PTPRD: variants seen among roughly 807,000 people sequenced by gnomAD.
PTPRD encodes the protein receptor-type tyrosine-protein phosphatase delta.
Under a neutral mutation model 214.5 loss-of-function variants are expected in PTPRD, and 34 were observed. That is an observed-to-expected ratio of 0.16 (90% CI 0.12 to 0.21). The LOEUF (loss-of-function observed/expected upper bound fraction) is 0.21. Among genes scored for constraint, PTPRD ranks in the 10% least tolerant of loss-of-function variants. The pLI is 1.00. For synonymous variants in PTPRD, 1,128 were observed against 845.7 expected, an observed-to-expected ratio of 1.33 and a Z score of -5.79; for missense variants, 2,545 against 2,398.7, an observed-to-expected ratio of 1.06 and a Z score of -1.27.
At chr9:10,232,054 G>A (rs1403188230) in intron 3 of PTPRD, among the ~76,000 whole-genome samples, 5 of 148,306 alleles carry the variant, frequency 3.4e-5, no homozygotes, top group Admixed American at 6.8e-5. Flanking sequence ...GTTATAAAGC[G>A]AGGTTCCTCC....
intron 10 of PTPRD, among the ~76,000 whole-genome samples, chr9:9,132,432 T>G (rs993390003): frequency 2.0e-5 from 3 of 152,174 alleles, no homozygotes; most frequent in Non-Finnish European, 4.4e-5. Flanking sequence ...AATAATAATT[T>G]ATACAACATT....
At chr9:10,175,602 C>A (rs1047741618) in intron 3 of PTPRD, among the ~76,000 whole-genome samples, 3 of 151,966 alleles carry the variant, frequency 2.0e-5, no homozygotes. Context: ...ACATACAGAT[C>A]ATAGGTTCAT....
At chr9:10,049,435 G>C (rs141671031) in intron 3 of PTPRD, among the ~76,000 whole-genome samples, 2 of 119,246 alleles carry the variant, frequency 1.7e-5, no homozygotes, top group Non-Finnish European at 1.7e-5. Flanking sequence ...AAGAAAGAAA[G>C]AAAAGAAAAA....
chr9:8,584,647 G>T (rs1180617471), intron 14 of PTPRD, among the ~76,000 whole-genome samples: 2 of 152,104 alleles, frequency 1.3e-5, no homozygotes, highest in Non-Finnish European at 1.5e-5. Flanking sequence ...AGAGACTCTG[G>T]TTAAGAAATC....
intron 3 of PTPRD, among the ~76,000 whole-genome samples, chr9:10,254,765 A>C (rs999067890): frequency 1.3e-5 from 2 of 152,164 alleles, no homozygotes; most frequent in Non-Finnish European, 2.9e-5. Flanking sequence ...CAGGGGTCAC[A>C]AAGACTCAAA....
intron 30 of PTPRD, among the ~76,000 whole-genome samples, chr9:8,477,185 T>C (rs2135382171): frequency 6.6e-6 from 1 of 152,250 alleles, no homozygotes; most frequent in East Asian, 1.9e-4. Flanking sequence ...AAACTCAATA[T>C]TCTGCTTTGC....
intron 3 of PTPRD, among the ~76,000 whole-genome samples, chr9:10,233,903 A>T (rs2099620495): frequency 6.6e-6 from 1 of 151,934 alleles, no homozygotes; most frequent in Non-Finnish European, 1.5e-5. Flanking sequence ...TTTACCTTTA[A>T]TTGGAATCAC....
chr9:10,423,280 G>A (rs1427468003), intron 2 of PTPRD, among the ~76,000 whole-genome samples: 2 of 151,714 alleles, frequency 1.3e-5, no homozygotes, highest in Non-Finnish European at 2.9e-5. Flanking sequence ...ACAGGGTGGG[G>A]AACATCACAC....
chr9:9,975,293 G>C (rs2095312077), intron 4 of PTPRD, among the ~76,000 whole-genome samples: 1 of 152,136 alleles, frequency 6.6e-6, no homozygotes, highest in South Asian at 2.1e-4. Context: ...TCCTCTCTTT[G>C]AACCAACCCT....
intron 12 of PTPRD, among the ~76,000 whole-genome samples, chr9:8,673,866 T>C (rs376071539): frequency 6.1e-4 from 93 of 152,256 alleles, no homozygotes; most frequent in Admixed American, 1.3e-3. Context: ...GGGGCTGTCC[T>C]GTGCCTTGCA....
chr9:9,511,750 T>C (rs2096714470), intron 8 of PTPRD, among the ~76,000 whole-genome samples: 1 of 151,916 alleles, frequency 6.6e-6, no homozygotes, highest in South Asian at 2.1e-4. Flanking sequence ...GTTTATACTT[T>C]AGATAATTGT....
intron 3 of PTPRD, among the ~76,000 whole-genome samples, chr9:10,255,752 C>G (rs896010815): frequency 1.1e-4 from 17 of 152,078 alleles, no homozygotes; most frequent in Non-Finnish European, 5.9e-5. Flanking sequence ...TGCAGCTGTA[C>G]AAAAATTTCT....
rs376685800 is a variant in PTPRD, at chr9:10,249,427, C to T, written c.-545+91536G>A. On this transcript the variant is annotated intron_variant, in intron 3 of 45. Coordinates refer to ENST00000381196, the MANE Select transcript of PTPRD (RefSeq NM_002839.4). ...ACGAGAAAGAGTTTAAATTTTGACC[C>T]GGTAATAGCCAAGATCGGACCTCAA... Among the ~76,000 whole-genome samples the T allele has an allele frequency of 1.9e-3, 295 of 152,118 alleles. 1 individual carries two copies. In the South Asian group the frequency reaches 0.027, roughly 14 times the overall value.
intron 2 of PTPRD, among the ~76,000 whole-genome samples, chr9:10,492,750 G>A (rs770738548): frequency 5.3e-5 from 8 of 151,972 alleles, no homozygotes; most frequent in Non-Finnish European, 1.0e-4. Flanking sequence ...GGCTTTTGTT[G>A]CCATTGCTTT....
chr9:9,922,804 G>T (rs2082949161), intron 5 of PTPRD, among the ~76,000 whole-genome samples: 1 of 151,966 alleles, frequency 6.6e-6, no homozygotes, highest in African/African-American at 2.4e-5. Context: ...GTCGTGAAAG[G>T]CAAGAAAAGC....
chr9:9,636,197 A>T (rs1401632827), intron 7 of PTPRD, among the ~76,000 whole-genome samples: 1 of 152,002 alleles, frequency 6.6e-6, no homozygotes, highest in Non-Finnish European at 1.5e-5. Context: ...CTACTTATTA[A>T]CTTTCATTTC....
At chr9:8,583,553 C>T (rs978569258) in intron 14 of PTPRD, among the ~76,000 whole-genome samples, 1 of 151,998 alleles carries the variant, frequency 6.6e-6, no homozygotes, top group African/African-American at 2.4e-5. Context: ...AAGAATGATA[C>T]CAGTTATGTA....
intron 2 of PTPRD, among the ~76,000 whole-genome samples, chr9:10,385,581 T>C (rs1405111396): frequency 6.6e-6 from 1 of 151,858 alleles, no homozygotes; most frequent in African/African-American, 2.4e-5. Flanking sequence ...TATTGTGGAA[T>C]ATGAAGGGCT....
chr9:8,409,379 A>C (rs554825840), intron 35 of PTPRD, among the ~76,000 whole-genome samples: 2 of 152,298 alleles, frequency 1.3e-5, no homozygotes, highest in Non-Finnish European at 2.9e-5. Context: ...GTTAAGCTGG[A>C]GAAGATTCCT....
Sources: gnomAD v4.1 joint callset for allele counts (sites outside exome capture counted in the v4.1 genomes callset) on GRCh38, gnomAD v4.1.1 for gene constraint, MANE v1.5 for transcripts, NCBI Gene and HGNC (gene_info 2026-07-23, HGNC 2026-07-21) for gene names.